NPAS3: variants seen among roughly 807,000 people sequenced by gnomAD.
NPAS3 encodes the protein neuronal PAS domain protein 3.
In NPAS3, 14 loss-of-function variants were observed where a neutral mutation model predicts 73.1. The observed-to-expected ratio is 0.19, with a 90% confidence interval of 0.13 to 0.30. NPAS3 has a LOEUF of 0.30. Ranked by LOEUF, NPAS3 falls within the 10% of genes least tolerant of loss-of-function variation. NPAS3 has a pLI of 1.00. For synonymous variants in NPAS3, 620 were observed against 541.5 expected, an observed-to-expected ratio of 1.14 and a Z score of -2.01; for missense variants, 1,096 against 1,250.0, an observed-to-expected ratio of 0.88 and a Z score of 1.86.
intron 3 of NPAS3, among the ~76,000 whole-genome samples, chr14:33,241,360 G>T (rs932725821): frequency 2.0e-5 from 3 of 151,892 alleles, no homozygotes; most frequent in African/African-American, 7.2e-5. Context: ...ACAAGGGAGC[G>T]CATCAAAGGT....
chr14:33,270,021 G>A (rs145613944), intron 3 of NPAS3, among the ~76,000 whole-genome samples: 2 of 152,232 alleles, frequency 1.3e-5, no homozygotes, highest in African/African-American at 2.4e-5. Flanking sequence ...GTGAGAGACC[G>A]AGGGACACAG....
intron 7 of NPAS3, among the ~76,000 whole-genome samples, chr14:33,771,646 C>T (rs1401325143): frequency 1.3e-5 from 2 of 151,950 alleles, no homozygotes; most frequent in Non-Finnish European, 2.9e-5. Flanking sequence ...CCCGTCTCTA[C>T]TAAAAATACA....
chr14:33,116,903 G>C (rs1328989010), intron 2 of NPAS3, among the ~76,000 whole-genome samples: 4 of 152,156 alleles, frequency 2.6e-5, no homozygotes, highest in Non-Finnish European at 5.9e-5. Context: ...AGGAAGAAAA[G>C]TGGTATTTTG....
intron 4 of NPAS3, among the ~76,000 whole-genome samples, chr14:33,376,077 C>T (rs772216527): frequency 2.6e-5 from 4 of 152,166 alleles, no homozygotes; most frequent in African/African-American, 4.8e-5. Flanking sequence ...CTCAAGAATG[C>T]ATGTTTTACC....
At chr14:32,991,956 C>T (rs139045784) in intron 1 of NPAS3, among the ~76,000 whole-genome samples, 106 of 152,308 alleles carry the variant, frequency 7.0e-4, no homozygotes, top group Middle Eastern at 3.4e-3. Flanking sequence ...CCAAATTATT[C>T]GCTTACCATT....
At chr14:33,170,291 G>C (rs542333740) in intron 2 of NPAS3, among the ~76,000 whole-genome samples, 1 of 152,140 alleles carries the variant, frequency 6.6e-6, no homozygotes, top group Admixed American at 6.5e-5. Context: ...ATAAAAAAGC[G>C]TATGTCTTAA....
At chr14:33,527,204 C>G (rs539280434) in intron 4 of NPAS3, among the ~76,000 whole-genome samples, 1 of 152,248 alleles carries the variant, frequency 6.6e-6, no homozygotes, top group South Asian at 2.1e-4. Flanking sequence ...GTAGCTGGGA[C>G]AAATACTGAG....
chr14:33,761,503 C>T lies in NPAS3; in HGVS notation c.853-12834C>T, dbSNP rs560906661. Among the ~76,000 whole-genome samples, 386 of 142,752 alleles carry T rather than the reference C, an allele frequency of 2.7e-3. 1 individual carries two copies. The highest frequency in any genetic ancestry group is 6.0e-3 in the Admixed American group (89 of 14,956). 93.7% of individuals were successfully genotyped at this position (142,752 alleles called of 152,430 possible). A position where few individuals can be genotyped will look rare whatever the true frequency, so the allele number is the denominator to read the frequency against. On this transcript the variant is annotated intron_variant, in intron 7 of 11. Transcript: ENST00000356141. ...TTTTAAAGGGGACTTCAAACATTCC[C>T]CAGAAGAAAAAAAAAAAAAGAGTAT...
intron 4 of NPAS3, among the ~76,000 whole-genome samples, chr14:33,504,231 G>A (rs920152320): frequency 2.0e-5 from 3 of 151,956 alleles, no homozygotes; most frequent in African/African-American, 7.2e-5. Flanking sequence ...GACTGAGCAG[G>A]CTACCATCTT....
chr14:33,436,680 C>T (rs1465952498), intron 4 of NPAS3, among the ~76,000 whole-genome samples: 2 of 152,198 alleles, frequency 1.3e-5, no homozygotes, highest in Non-Finnish European at 2.9e-5. Flanking sequence ...TCAAGCATTG[C>T]TGTGTATTTT....
chr14:33,559,668 A>G (rs983411028), intron 4 of NPAS3, among the ~76,000 whole-genome samples: 14 of 152,238 alleles, frequency 9.2e-5, no homozygotes, highest in African/African-American at 2.9e-4. Flanking sequence ...TTGTTCATGT[A>G]TAATGCAATA....
At chr14:33,231,458 T>A (rs2047848283) in intron 3 of NPAS3, among the ~76,000 whole-genome samples, 1 of 152,210 alleles carries the variant, frequency 6.6e-6, no homozygotes, top group African/African-American at 2.4e-5. Context: ...TTATTCATGT[T>A]ATATTCCTGT....
chr14:33,332,914 C>A (rs1217849363), intron 3 of NPAS3, among the ~76,000 whole-genome samples: 1 of 152,118 alleles, frequency 6.6e-6, no homozygotes, highest in African/African-American at 2.4e-5. Context: ...CATTGCTTTC[C>A]CTAACAATTA....
chr14:33,032,600 AT>A (rs2040031688), intron 1 of NPAS3, among the ~76,000 whole-genome samples: 1 of 152,180 alleles, frequency 6.6e-6, no homozygotes, highest in Non-Finnish European at 1.5e-5. Flanking sequence ...CAGAGATGGT[AT>A]GTAAGTACAC....
intron 1 of NPAS3, among the ~76,000 whole-genome samples, chr14:33,039,134 G>A (rs1380663913): frequency 3.3e-5 from 5 of 152,084 alleles, no homozygotes; most frequent in South Asian, 2.1e-4. Context: ...TTCATTGAGT[G>A]ATCTATAGCA....
At chr14:33,569,650 C>T (rs1002966421) in intron 5 of NPAS3, among the ~76,000 whole-genome samples, 4 of 152,102 alleles carry the variant, frequency 2.6e-5, no homozygotes, top group South Asian at 2.1e-4. Context: ...ACTAGGAACG[C>T]GCTAAGGCTT....
At chr14:33,108,434 C>T (rs989613366) in intron 2 of NPAS3, among the ~76,000 whole-genome samples, 5 of 151,914 alleles carry the variant, frequency 3.3e-5, no homozygotes, top group East Asian at 1.9e-4. Context: ...CCTCATGATC[C>T]GTCTACCTCG....
intron 4 of NPAS3, among the ~76,000 whole-genome samples, chr14:33,542,145 T>C (rs1291257740): frequency 6.6e-6 from 1 of 152,202 alleles, no homozygotes; most frequent in Non-Finnish European, 1.5e-5. Flanking sequence ...GGCTTTCTCC[T>C]GACAACTTTA....
intron 8 of NPAS3, among the ~76,000 whole-genome samples, chr14:33,775,632 G>T (rs2062789739): frequency 6.6e-6 from 1 of 152,210 alleles, no homozygotes; most frequent in Non-Finnish European, 1.5e-5. Context: ...TGAGCTATGA[G>T]TGTTCAATAG....
Sources: gnomAD v4.1 joint callset for allele counts (sites outside exome capture counted in the v4.1 genomes callset) on GRCh38, gnomAD v4.1.1 for gene constraint, MANE v1.5 for transcripts, NCBI Gene and HGNC (gene_info 2026-07-23, HGNC 2026-07-21) for gene names.